OLIG3: variants seen among roughly 807,000 people sequenced by gnomAD.
OLIG3 encodes class B basic helix-loop-helix protein 7.
A neutral mutation model predicts 14.7 loss-of-function variants in OLIG3; 12 were observed. The observed-to-expected ratio is 0.82, with a 90% CI of 0.52 to 1.32. The LOEUF (loss-of-function observed/expected upper bound fraction) is 1.32. Among genes scored for constraint, OLIG3 ranks in the 40% most tolerant of loss-of-function variants. The pLI is 0.00. For missense variants in OLIG3, 405 were observed against 373.7 expected (o/e 1.08, Z -0.69); for synonymous variants, 192 against 171.4 (o/e 1.12, Z -0.94).
Position 137,493,009 on chromosome 6 carries a change from A to G in OLIG3, c.*343T>C. 4.2e-6 allele frequency: 1 copy of G among 237,132 alleles called. No homozygotes were observed. The highest frequency in any genetic ancestry group is 8.1e-6 in the Non-Finnish European group (1 of 123,782). The allele number at this position is 237,132 out of a possible 1,614,324, so 14.7% of individuals were successfully genotyped here. On this transcript the variant is annotated 3_prime_UTR_variant, in exon 1 of 1. Transcript: ENST00000367734. This position sits in a 1 kb window ranked among gnomAD's most constrained non-coding sequence, Gnocchi z 6.1. ...TCAAAAGTCCCTTCGCAAGTTTTTA[A>G]CTACACCGATCCCATCTTTATACAA...
Position 137,494,225 on chromosome 6 carries a change from G to A in OLIG3, c.-55C>T. The A allele has an allele frequency of 1.4e-6, 2 of 1,407,568 alleles. No individual in the cohort carries two copies. Among genetic ancestry groups the A allele is most frequent in the East Asian group, 2.4e-5 (1 of 42,020 alleles). 87.2% of individuals were successfully genotyped at this position (1,407,568 alleles called of 1,614,324 possible). ...GGGAGGCTTTAGGCGGGAAATTAAAGAAAATCTTGAATTAAAAAAAAAAAA... is the reference window on the plus strand; with the variant it reads ...GGGAGGCTTTAGGCGGGAAATTAAAAAAAATCTTGAATTAAAAAAAAAAAA... On this transcript the variant is annotated 5_prime_UTR_variant, in exon 1 of 1. Transcript: ENST00000367734.
At position 137,493,238 on chromosome 6, in the gene OLIG3, C is replaced by G; in HGVS notation, c.*114G>C. The G allele has an allele frequency of 1.2e-6, 1 of 844,902 alleles. No individual in the cohort carries two copies. 52.3% of individuals were successfully genotyped at this position (844,902 alleles called of 1,614,324 possible). A position where few individuals can be genotyped will look rare whatever the true frequency, so the allele number is the denominator to read the frequency against. On this transcript the variant is annotated 3_prime_UTR_variant, in exon 1 of 1. Coordinates refer to ENST00000367734, the MANE Select transcript of OLIG3 (RefSeq NM_175747.2). The surrounding 1 kb of genome is among the most constrained non-coding windows in gnomAD (Gnocchi z 6.1). ...AGACAGCGTGGGAGGCTGCGGGCCC[C>G]GGAGCCTGCCCTCCCGTGGGCCGAG...
rs1002408535 is a variant in OLIG3, at chr6:137,493,116, C to T, written c.*236G>A. Reference sequence around the variant, plus strand: ...AAAAGAAGCATGCATGCAAAACACACGACATCTGGTTCGAGTCCCCCTTTG... The same window carrying T: ...AAAAGAAGCATGCATGCAAAACACATGACATCTGGTTCGAGTCCCCCTTTG... On this transcript the variant is annotated 3_prime_UTR_variant, in exon 1 of 1. Coordinates refer to ENST00000367734, the MANE Select transcript of OLIG3 (RefSeq NM_175747.2). The surrounding 1 kb of genome is among the most constrained non-coding windows in gnomAD (Gnocchi z 6.1). 5.8e-6 allele frequency: 3 copies of T among 515,092 alleles called. No homozygotes were observed. Among genetic ancestry groups the T allele is most frequent in the South Asian group, 2.7e-5 (1 of 36,704 alleles). 31.9% of individuals were successfully genotyped at this position (515,092 alleles called of 1,614,324 possible). A position where few individuals can be genotyped will look rare whatever the true frequency, so the allele number is the denominator to read the frequency against.
Position 137,494,356 on chromosome 6 carries a change from G to A in OLIG3, c.-186C>T, listed in dbSNP as rs576454108. The A allele has an allele frequency of 6.4e-6, 4 of 629,080 alleles. No homozygotes were observed. The highest frequency in any genetic ancestry group is 2.7e-5 in the East Asian group (1 of 36,502). 39.0% of individuals were successfully genotyped at this position (629,080 alleles called of 1,614,324 possible). A position where few individuals can be genotyped will look rare whatever the true frequency, so the allele number is the denominator to read the frequency against. On this transcript the variant is annotated 5_prime_UTR_variant, in exon 1 of 1. Coordinates refer to ENST00000367734, the MANE Select transcript of OLIG3 (RefSeq NM_175747.2). ...CCTCCCACGCCCCTCTCTCTGGTTA[G>A]GCTGCTTCCTGGACAGCTAGTTGGT...
In OLIG3 at chr6:137,494,250, A is replaced by G; in HGVS notation, c.-80T>C. On this transcript the variant is annotated 5_prime_UTR_variant, in exon 1 of 1. Coordinates refer to ENST00000367734, the MANE Select transcript of OLIG3 (RefSeq NM_175747.2). Reference sequence around the variant, plus strand: ...GAAAATCTTGAATTAAAAAAAAAAAATCTGCACTGCCCAGGAACCCACTTC... The same window carrying G: ...GAAAATCTTGAATTAAAAAAAAAAAGTCTGCACTGCCCAGGAACCCACTTC... 8.3e-7 allele frequency: 1 copy of G among 1,210,296 alleles called. No homozygotes were observed. The highest frequency in any genetic ancestry group is 1.2e-6 in the Non-Finnish European group (1 of 859,634). The allele number at this position is 1,210,296 out of a possible 1,614,324, so 75.0% of individuals were successfully genotyped here.
chr6:137,494,338 C>A lies in OLIG3; in HGVS notation c.-168G>T. ...CTTTTCCCCGCCTCTCTCCCTCCCACGCCCCTCTCTCTGGTTAGGCTGCTT... is the reference window on the plus strand; with the variant it reads ...CTTTTCCCCGCCTCTCTCCCTCCCAAGCCCCTCTCTCTGGTTAGGCTGCTT... On this transcript the variant is annotated 5_prime_UTR_variant, in exon 1 of 1. Coordinates refer to ENST00000367734, the MANE Select transcript of OLIG3 (RefSeq NM_175747.2). 1 of 648,024 alleles carries A rather than the reference C, an allele frequency of 1.5e-6. No individual in the cohort carries two copies. The allele number at this position is 648,024 out of a possible 1,614,324, so 40.1% of individuals were successfully genotyped here.
rs535988128 is a variant in OLIG3, at chr6:137,494,357, G to A, written c.-187C>T. 8.0e-6 allele frequency: 5 copies of A among 626,918 alleles called. 1 individual carries two copies. The highest frequency in any genetic ancestry group is 7.4e-5 in the African/African-American group (4 of 54,194). 38.8% of individuals were successfully genotyped at this position (626,918 alleles called of 1,614,324 possible). On this transcript the variant is annotated 5_prime_UTR_variant, in exon 1 of 1. Transcript: ENST00000367734. Reference sequence around the variant, plus strand: ...CTCCCACGCCCCTCTCTCTGGTTAGGCTGCTTCCTGGACAGCTAGTTGGTG... The same window carrying A: ...CTCCCACGCCCCTCTCTCTGGTTAGACTGCTTCCTGGACAGCTAGTTGGTG...
rs1053147155 is a variant in OLIG3, at chr6:137,492,407, G to A, written c.*945C>T. On this transcript the variant is annotated 3_prime_UTR_variant, in exon 1 of 1. Coordinates refer to ENST00000367734, the MANE Select transcript of OLIG3 (RefSeq NM_175747.2). ...GTTTTCAAAGCTGATAATAGAGAGA[G>A]CCAACCCCGCATGCAGAATAACTGA... 1 of 152,568 alleles carries A rather than the reference G, an allele frequency of 6.6e-6. No individual in the cohort carries two copies. Among genetic ancestry groups the A allele is most frequent in the African/African-American group, 2.4e-5 (1 of 41,394 alleles). 9.5% of individuals were successfully genotyped at this position (152,568 alleles called of 1,614,324 possible).
In OLIG3 at chr6:137,493,566, G is replaced by A. The variant is rs1347367681; in HGVS notation, c.605C>T (p.Ser202Leu). The A allele has an allele frequency of 1.3e-6, 2 of 1,589,088 alleles. No homozygotes were observed. Among genetic ancestry groups the A allele is most frequent in the East Asian group, 4.6e-5 (2 of 43,706 alleles). ...CCGGATGGTGCCGATGGCGGGAAGT[G>A]AGGCGGCGGACAGCGGTGACGAGGC... ...GNASSPLSAA[S>L]LPAIGTIRPP... Residue 202 changes from serine to leucine, a missense_variant, in exon 1 of 1, where the codon TCA (serine) becomes TTA (leucine). Physicochemically the swap from Ser to Leu is moderately radical, Grantham distance 145 (BLOSUM62 -2). Transcript: ENST00000367734. This position sits in a 1 kb window ranked among gnomAD's most constrained non-coding sequence, Gnocchi z 6.1.
rs142649210 is a variant in OLIG3 at position 137,493,832 on chromosome 6, C to A, written c.339G>T (p.Ala113=). 1.9e-6 allele frequency: 3 copies of A among 1,614,090 alleles called. No individual in the cohort carries two copies. Among genetic ancestry groups the A allele is most frequent in the Non-Finnish European group, 1.7e-6 (2 of 1,180,060 alleles). The change falls in exon 1 of 1, where the codon GCG becomes GCT. Residue 113 remains alanine (A), a synonymous_variant. Transcript: ENST00000367734. The surrounding 1 kb of genome is among the most constrained non-coding windows in gnomAD (Gnocchi z 6.1). The part of the protein sequence containing the change: ...MDGLREVMPY[A]HGPSVRKLSK... ...AGAGCTTGCGCACCGACGGCCCATG[C>A]GCGTAGGGCATGACTTCGCGCAGCC...
chr6:137,492,457 T>C lies in OLIG3; in HGVS notation c.*895A>G, dbSNP rs1324353148. ...AGCGAGGGGGGGTGGCGCAAGCTACTAGAGGGAGCCCAGGCTTTTACAATA... is the reference window on the plus strand; with the variant it reads ...AGCGAGGGGGGGTGGCGCAAGCTACCAGAGGGAGCCCAGGCTTTTACAATA... On this transcript the variant is annotated 3_prime_UTR_variant, in exon 1 of 1. Coordinates refer to ENST00000367734, the MANE Select transcript of OLIG3 (RefSeq NM_175747.2). 3 of 142,244 alleles carry C rather than the reference T, an allele frequency of 2.1e-5. No individual in the cohort carries two copies. The highest frequency in any genetic ancestry group is 3.9e-4 in the East Asian group (2 of 5,090). 8.8% of individuals were successfully genotyped at this position (142,244 alleles called of 1,614,324 possible).
chr6:137,493,721 C>G lies in OLIG3; in HGVS notation c.450G>C (p.Glu150Asp). The G allele has an allele frequency of 1.2e-6, 2 of 1,613,616 alleles. No homozygotes were observed. Among genetic ancestry groups the G allele is most frequent in the East Asian group, 2.2e-5 (1 of 44,876 alleles). ...SLEEMKRLVG[E>D]IYGGHHSAFH... ...AGGCCGAGTGGTGGCCCCCATAGATCTCGCCAACCAGCCTCTTCATCTCCT... is the reference window on the plus strand; with the variant it reads ...AGGCCGAGTGGTGGCCCCCATAGATGTCGCCAACCAGCCTCTTCATCTCCT... The change falls in exon 1 of 1, where the codon GAG (glutamate) becomes GAC (aspartate). Residue 150 changes from glutamate (E) to aspartate (D), a missense_variant. Physicochemically the swap from Glu to Asp is conservative, Grantham distance 45. Around this residue, in one of 3 missense-constraint regions of OLIG3, gnomAD observed 230 missense variants for 178.5 expected, o/e 1.29. Transcript: ENST00000367734. This position sits in a 1 kb window ranked among gnomAD's most constrained non-coding sequence, Gnocchi z 6.1.
At position 137,494,174 on chromosome 6, in the gene OLIG3, A is replaced by G. The variant is rs755163560; in HGVS notation, c.-4T>C. On this transcript the variant is annotated 5_prime_UTR_variant, in exon 1 of 1. Coordinates refer to ENST00000367734, the MANE Select transcript of OLIG3 (RefSeq NM_175747.2). ...CAGAGCTCGAATCAGAATTCATTTT[A>G]TTACAGGGGATGCGGCCCTACCGTG... The G allele has an allele frequency of 6.2e-7, 1 of 1,609,166 alleles. No homozygotes were observed. The highest frequency in any genetic ancestry group is 1.1e-5 in the South Asian group (1 of 90,638).
In OLIG3 at chr6:137,492,528, G is replaced by A. The variant is rs1783130546; in HGVS notation, c.*824C>T. On this transcript the variant is annotated 3_prime_UTR_variant, in exon 1 of 1. Coordinates refer to ENST00000367734, the MANE Select transcript of OLIG3 (RefSeq NM_175747.2). ...GAAGGTTCCGAATAAAGTTTGAAGG[G>A]GGTGGGGGTGGGAGAAGAAGCGCGT... 6.6e-6 allele frequency: 1 copy of A among 152,514 alleles called. No homozygotes were observed. Among genetic ancestry groups the A allele is most frequent in the Admixed American group, 6.5e-5 (1 of 15,284 alleles). 9.4% of individuals were successfully genotyped at this position (152,514 alleles called of 1,614,324 possible).
chr6:137,494,237 T>C lies in OLIG3; in HGVS notation c.-67A>G. 2 of 1,353,576 alleles carry C rather than the reference T, an allele frequency of 1.5e-6. No individual in the cohort carries two copies. Among genetic ancestry groups the C allele is most frequent in the Non-Finnish European group, 2.0e-6 (2 of 998,344 alleles). The allele number at this position is 1,353,576 out of a possible 1,614,324, so 83.8% of individuals were successfully genotyped here. On this transcript the variant is annotated 5_prime_UTR_variant, in exon 1 of 1. Coordinates refer to ENST00000367734, the MANE Select transcript of OLIG3 (RefSeq NM_175747.2). ...GCGGGAAATTAAAGAAAATCTTGAA[T>C]TAAAAAAAAAAAATCTGCACTGCCC... is the stretch of plus-strand genomic sequence containing the variant.
chr6:137,493,305 C>A lies in OLIG3; in HGVS notation c.*47G>T, dbSNP rs1291693120. ...TCCCTCCCGGCCCGGCACCGCGGCC[C>A]CTCCCGCCGCTCTCCCTCCTCCTTG... is the stretch of plus-strand genomic sequence containing the variant. On this transcript the variant is annotated 3_prime_UTR_variant, in exon 1 of 1. Transcript: ENST00000367734. The surrounding 1 kb of genome is among the most constrained non-coding windows in gnomAD (Gnocchi z 6.1). The A allele has an allele frequency of 2.1e-6, 3 of 1,445,466 alleles. No individual in the cohort carries two copies. Among genetic ancestry groups the A allele is most frequent in the Admixed American group, 4.8e-5 (2 of 41,404 alleles). The allele number at this position is 1,445,466 out of a possible 1,614,324, so 89.5% of individuals were successfully genotyped here. A position where few individuals can be genotyped will look rare whatever the true frequency, so the allele number is the denominator to read the frequency against.
Position 137,494,192 on chromosome 6 carries a change from C to T in OLIG3, c.-22G>A, listed in dbSNP as rs181284456. ...TCATTTTATTACAGGGGATGCGGCCCTACCGTGGGGAGGCTTTAGGCGGGA... is the reference window on the plus strand; with the variant it reads ...TCATTTTATTACAGGGGATGCGGCCTTACCGTGGGGAGGCTTTAGGCGGGA... On this transcript the variant is annotated 5_prime_UTR_variant, in exon 1 of 1. Transcript: ENST00000367734. 447 of 1,586,216 alleles carry T rather than the reference C, an allele frequency of 2.8e-4. No homozygotes were observed. Among genetic ancestry groups the T allele is most frequent in the Non-Finnish European group, 3.7e-4 (429 of 1,163,252 alleles).
rs1412127834 is a variant in OLIG3, at chr6:137,492,788, T to C, written c.*564A>G. The C allele has an allele frequency of 6.5e-6, 1 of 153,050 alleles. No individual in the cohort carries two copies. The highest frequency in any genetic ancestry group is 1.5e-5 in the Non-Finnish European group (1 of 68,256). 9.5% of individuals were successfully genotyped at this position (153,050 alleles called of 1,614,324 possible). A position where few individuals can be genotyped will look rare whatever the true frequency, so the allele number is the denominator to read the frequency against. ...GGAGGTGTCATGCCCTGGACCTCGG[T>C]TGAGATTCAAAACTTGGGTCTTGAT... On this transcript the variant is annotated 3_prime_UTR_variant, in exon 1 of 1. Transcript: ENST00000367734.
At position 137,493,692 on chromosome 6, in the gene OLIG3, T is replaced by G; in HGVS notation, c.479A>C (p.His160Pro). ...EIYGGHHSAF[H>P]CGTVGHSAGH... ...GGCCGAGTGGCCCACGGTCCCGCAG[T>G]GAAAGGCCGAGTGGTGGCCCCCATA... The change falls in exon 1 of 1, where the codon CAC becomes CCC. Residue 160 changes from histidine (H) to proline (P), a missense_variant. Around this residue, in one of 3 missense-constraint regions of OLIG3, gnomAD observed 230 missense variants for 178.5 expected, o/e 1.29. Transcript: ENST00000367734. The surrounding 1 kb of genome is among the most constrained non-coding windows in gnomAD (Gnocchi z 6.1). 6.2e-7 allele frequency: 1 copy of G among 1,612,254 alleles called. No homozygotes were observed. Among genetic ancestry groups the G allele is most frequent in the Non-Finnish European group, 8.5e-7 (1 of 1,180,006 alleles).
Sources: allele counts gnomAD v4.1 joint callset, GRCh38; gene constraint gnomAD v4.1.1; regional missense constraint gnomAD v4.1.1; non-coding constraint Gnocchi (gnomAD v3.1); transcripts MANE v1.5; gene names NCBI Gene and HGNC (gene_info 2026-07-23, HGNC 2026-07-21).